Variants in CCDC149 observed in about 807,000 individuals in gnomAD.
The protein encoded by CCDC149 is coiled-coil domain containing 149.
In CCDC149, 45 loss-of-function variants were observed where a neutral mutation model predicts 59.9. The ratio of observed to expected loss-of-function variants is 0.75; its 90% CI spans 0.59 to 0.96. CCDC149 has a LOEUF of 0.96. Ranked by LOEUF, CCDC149 falls within the 40% of genes least tolerant of loss-of-function variation. The probability of loss-of-function intolerance (pLI) is 0.00; values close to 1 mark genes in which losing one functional copy is unlikely to be tolerated. For missense variants in CCDC149, 584 were observed against 664.7 expected (o/e 0.88, Z 1.33); for synonymous variants, 245 against 260.6 (o/e 0.94, Z 0.58).
intron 1 of CCDC149, among the ~76,000 whole-genome samples, chr4:24,969,540 T>C (rs531411227): frequency 6.6e-6 from 1 of 152,286 alleles, no homozygotes; most frequent in Admixed American, 6.5e-5. Context: ...TCTTGAATAA[T>C]GGGTTACCCT....
intron 1 of CCDC149, among the ~76,000 whole-genome samples, chr4:24,934,873 C>G (rs1028109302): frequency 6.6e-6 from 1 of 152,164 alleles, no homozygotes; most frequent in Non-Finnish European, 1.5e-5. Context: ...GATAAGTAAA[C>G]AGTTGATGGA....
chr4:24,808,402 G>T lies in CCDC149; in HGVS notation c.1610C>A (p.Thr537Asn), dbSNP rs1245187012. 11 of 1,450,900 alleles carry T rather than the reference G, an allele frequency of 7.6e-6. No homozygotes were observed. The highest frequency in any genetic ancestry group is 1.0e-5 in the Non-Finnish European group (11 of 1,099,962). 89.9% of individuals were successfully genotyped at this position (1,450,900 alleles called of 1,614,324 possible). The change falls in exon 13 of 13, where the codon ACC becomes AAC. Residue 537 changes from threonine (T) to asparagine (N), a missense_variant. Physicochemically the swap from Thr to Asn is moderately conservative, Grantham distance 65 (BLOSUM62 0). Transcript: ENST00000635206. Reference sequence around the variant, plus strand: ...TCCCTCTCCCCTTCAGGTTTTCACGGTGCTCCTCATGCCTCCGCCCTCTGG... The same window carrying T: ...TCCCTCTCCCCTTCAGGTTTTCACGTTGCTCCTCATGCCTCCGCCCTCTGG...
chr4:24,936,958 T>G (rs1356979467), intron 1 of CCDC149, among the ~76,000 whole-genome samples: 4 of 152,222 alleles, frequency 2.6e-5, no homozygotes, highest in African/African-American at 9.6e-5. Flanking sequence ...TTTTTGGGCC[T>G]GGTTTCCGAG....
intron 1 of CCDC149, among the ~76,000 whole-genome samples, chr4:24,961,466 C>G (rs907597263): frequency 1.3e-5 from 2 of 152,106 alleles, no homozygotes; most frequent in Non-Finnish European, 2.9e-5. Flanking sequence ...CTACTTTAAA[C>G]TTCATATGGA....
At chr4:24,847,410 A>G (rs1717366923) in intron 4 of CCDC149, among the ~76,000 whole-genome samples, 1 of 152,170 alleles carries the variant, frequency 6.6e-6, no homozygotes, top group Non-Finnish European at 1.5e-5. Context: ...TTCTCAGACT[A>G]AGCACTGTCT....
intron 12 of CCDC149, among the ~76,000 whole-genome samples, chr4:24,816,507 C>G (rs1715024641): frequency 3.9e-5 from 6 of 152,112 alleles, no homozygotes; most frequent in Admixed American, 3.9e-4. Flanking sequence ...TGGTTACTTG[C>G]TGTGGGAGCA....
At chr4:24,973,263 T>A (rs1938251275) in intron 1 of CCDC149, among the ~76,000 whole-genome samples, 1 of 152,208 alleles carries the variant, frequency 6.6e-6, no homozygotes, top group South Asian at 2.1e-4. Context: ...TGGGCACATA[T>A]TCTCAGCACC....
chr4:24,817,500 T>A (rs181910163), intron 12 of CCDC149, among the ~76,000 whole-genome samples: 1 of 152,080 alleles, frequency 6.6e-6, no homozygotes, highest in East Asian at 2.0e-4. Flanking sequence ...TATGGTCCTA[T>A]GATCAGGCTC....
intron 1 of CCDC149, among the ~76,000 whole-genome samples, chr4:24,907,506 A>G (rs1721602976): frequency 6.6e-6 from 1 of 152,146 alleles, no homozygotes; most frequent in Non-Finnish European, 1.5e-5. Flanking sequence ...ATCTAAGTGG[A>G]TTTAAATGGA....
At chr4:24,960,596 G>A (rs1723610675) in intron 1 of CCDC149, among the ~76,000 whole-genome samples, 1 of 152,188 alleles carries the variant, frequency 6.6e-6, no homozygotes, top group Non-Finnish European at 1.5e-5. Context: ...TTTTTTAAAG[G>A]TGGAGTGACT....
intron 4 of CCDC149, among the ~76,000 whole-genome samples, chr4:24,845,181 A>C (rs950286383): frequency 2.8e-4 from 43 of 152,250 alleles, no homozygotes; most frequent in African/African-American, 9.6e-4. Flanking sequence ...TCCTCACAAA[A>C]GGCAAACGGC....
chr4:24,813,491 T>TATATATATATATATATATATATATATAC (rs1714771953), intron 12 of CCDC149, among the ~76,000 whole-genome samples: 1 of 5,502 alleles, frequency 1.8e-4, no homozygotes, highest in African/African-American at 2.7e-4. Flanking sequence ...GCTTGGGGAA[T>TATATATATATATATATATATATATATAC]ATATATATAT....
At chr4:24,936,779 G>A (rs1335286324) in intron 1 of CCDC149, among the ~76,000 whole-genome samples, 1 of 152,192 alleles carries the variant, frequency 6.6e-6, no homozygotes, top group Non-Finnish European at 1.5e-5. Context: ...CTGAGAGTGG[G>A]AAAGGTTGGC....
chr4:24,971,765 C>T (rs1221763111), intron 1 of CCDC149, among the ~76,000 whole-genome samples: 1 of 152,152 alleles, frequency 6.6e-6, no homozygotes, highest in East Asian at 1.9e-4. Context: ...CTCATTATAC[C>T]ATCCTCTCTT....
intron 1 of CCDC149, among the ~76,000 whole-genome samples, chr4:24,938,940 C>A (rs1722865722): frequency 6.6e-6 from 1 of 152,236 alleles, no homozygotes; most frequent in Non-Finnish European, 1.5e-5. Flanking sequence ...AGGAGGACTG[C>A]CTGCCTCTGT....
chr4:24,905,210 TGAG>T (rs1244912118), intron 1 of CCDC149, among the ~76,000 whole-genome samples: 8 of 151,890 alleles, frequency 5.3e-5, no homozygotes, highest in African/African-American at 1.9e-4. Flanking sequence ...TTCTTCTTAC[TGAG>T]TAGTGAGAGT....
chr4:24,915,551 A>G (rs1478476437), upstream of CCDC149, among the ~76,000 whole-genome samples: 1 of 152,144 alleles, frequency 6.6e-6, no homozygotes, highest in South Asian at 2.1e-4. Flanking sequence ...CTGTGACTCC[A>G]TTTCCCCTAT....
At chr4:24,978,737 T>A (rs1033695297) in intron 1 of CCDC149, among the ~76,000 whole-genome samples, 1 of 152,206 alleles carries the variant, frequency 6.6e-6, no homozygotes, top group Non-Finnish European at 1.5e-5. Context: ...GGTTTTAGCA[T>A]CCTGTGTGCT....
intron 1 of CCDC149, among the ~76,000 whole-genome samples, chr4:24,941,454 A>G (rs575803590): frequency 4.5e-4 from 69 of 152,368 alleles, no homozygotes; most frequent in African/African-American, 1.6e-3. Flanking sequence ...GGAAAGATCT[A>G]AAATTGACAC....
Sources: gnomAD v4.1 joint callset for allele counts (sites outside exome capture counted in the v4.1 genomes callset) on GRCh38, gnomAD v4.1.1 for gene constraint, MANE v1.5 for transcripts, NCBI Gene and HGNC (gene_info 2026-07-23, HGNC 2026-07-21) for gene names.